Variants in TMEM216 observed in about 807,000 individuals in gnomAD.
The protein encoded by TMEM216 is transmembrane protein 216.
In TMEM216, 15 loss-of-function variants were observed where a neutral mutation model predicts 17.8. The ratio of observed to expected loss-of-function variants is 0.84; its 90% CI spans 0.56 to 1.30. TMEM216 has a LOEUF of 1.30. Ranked by LOEUF, TMEM216 falls within the 50% of genes most tolerant of loss-of-function variation. The pLI, the probability that TMEM216 is intolerant of heterozygous loss-of-function variation, is 0.00. For synonymous variants in TMEM216, 58 were observed against 73.5 expected (o/e 0.79, Z 1.08); for missense variants, 160 against 175.7 (o/e 0.91, Z 0.51).
intron 3 of TMEM216, among the ~76,000 whole-genome samples, chr11:61,396,276 C>T (rs1036232296): frequency 1.0e-4 from 15 of 150,672 alleles, no homozygotes; most frequent in East Asian, 6.0e-4. Context: ...TTCAGGAGAT[C>T]GAGACCATCC....
In TMEM216 at chr11:61,397,856, C is replaced by T. The variant is rs748312089; in HGVS notation, c.312C>T (p.Ser104=). The change falls in exon 4 of 5, where the codon TCC becomes TCT. Residue 104 remains serine (S), a synonymous_variant. Coordinates refer to ENST00000515837, the MANE Select transcript of TMEM216 (RefSeq NM_001173990.3). ...CCTTCCCATCTGCCATGATGGCCTC[C>T]TATTACCTGCTGCTGCAGACCTACG... ...ALTFPSAMMA[S]YYLLLQTYVL... 14 of 1,614,044 alleles carry T rather than the reference C, an allele frequency of 8.7e-6. No homozygotes were observed. Among genetic ancestry groups the T allele is most frequent in the Non-Finnish European group, 1.2e-5 (14 of 1,179,904 alleles).
intron 3 of TMEM216, 96 bp downstream of exon 3, chr11:61,394,072 C>A: frequency 8.9e-7 from 1 of 1,118,710 alleles, no homozygotes; most frequent in Non-Finnish European, 1.4e-6. Context: ...GGTTGACTAT[C>A]ATAGACTGGA....
At chr11:61,396,353 C>A (rs1365324178) in intron 3 of TMEM216, among the ~76,000 whole-genome samples, 1 of 152,200 alleles carries the variant, frequency 6.6e-6, no homozygotes, top group Non-Finnish European at 1.5e-5. Context: ...GTGGCACGTG[C>A]CTGTAATCCC....
At position 61,398,641 on chromosome 11, in the gene TMEM216, A is replaced by C. The variant is rs1314111561; in HGVS notation, c.*365A>C. On this transcript the variant is annotated 3_prime_UTR_variant, in exon 5 of 5. Coordinates refer to ENST00000515837, the MANE Select transcript of TMEM216 (RefSeq NM_001173990.3). ...TTGGGCTTCAAGCAGGACCTGAGCC[A>C]CATGCTCCCTGTACGAGCTGTGCTA... 2 of 286,210 alleles carry C rather than the reference A, an allele frequency of 7.0e-6. No individual in the cohort carries two copies. The highest frequency in any genetic ancestry group is 4.2e-5 in the African/African-American group (2 of 47,068). The allele number at this position is 286,210 out of a possible 1,614,324, so 17.7% of individuals were successfully genotyped here.
intron 3 of TMEM216, among the ~76,000 whole-genome samples, chr11:61,396,130 T>C (rs867799455): frequency 1.3e-5 from 2 of 152,206 alleles, no homozygotes; most frequent in African/African-American, 4.8e-5. Flanking sequence ...CATCTGTCCA[T>C]ACGGGATTGT....
intron 2 of TMEM216, 70 bp from the exon 3 acceptor site, chr11:61,393,814 C>T: frequency 8.1e-7 from 1 of 1,231,790 alleles, no homozygotes; most frequent in Non-Finnish European, 1.2e-6. Context: ...CCTCTTTTTT[C>T]CCAAGTGTGT....
chr11:61,398,588 A>G lies in TMEM216; in HGVS notation c.*312A>G, dbSNP rs1858855193. 2.4e-5 allele frequency: 10 copies of G among 413,446 alleles called. No homozygotes were observed. The South Asian group carries it at 4.0e-4, about 16-fold the overall frequency. 25.6% of individuals were successfully genotyped at this position (413,446 alleles called of 1,614,324 possible). On this transcript the variant is annotated 3_prime_UTR_variant, in exon 5 of 5. Coordinates refer to ENST00000515837, the MANE Select transcript of TMEM216 (RefSeq NM_001173990.3). ...TCTCCTCCTTGATCACCGTGGCCAG[A>G]GCATCTCGTGTGGACCATCTAGGCT...
At chr11:61,395,277 T>C (rs1464909252) in intron 3 of TMEM216, among the ~76,000 whole-genome samples, 1 of 152,152 alleles carries the variant, frequency 6.6e-6, no homozygotes, top group Non-Finnish European at 1.5e-5. Flanking sequence ...ATGCCTGGCC[T>C]GTAGGACAAG....
chr11:61,395,516 G>A (rs935554339), intron 3 of TMEM216, among the ~76,000 whole-genome samples: 1 of 152,018 alleles, frequency 6.6e-6, no homozygotes, highest in African/African-American at 2.4e-5. Flanking sequence ...GAGGTGGGTG[G>A]ATCATTTGAG....
chr11:61,394,118 A>G (rs1858744342), intron 3 of TMEM216, 142 bp downstream of exon 3: 1 of 735,506 alleles, frequency 1.4e-6, no homozygotes, highest in Non-Finnish European at 2.3e-6. Flanking sequence ...TGAAGTTTCA[A>G]GTTGCTGCTT....
At chr11:61,393,115 A>C in intron 1 of TMEM216, 116 bp from the exon 2 acceptor site, 1 of 660,722 alleles carries the variant, frequency 1.5e-6, no homozygotes, top group Non-Finnish European at 2.3e-6. Context: ...AGTGCCCCTG[A>C]GTGGCCGGTC....
Position 61,397,914 on chromosome 11 carries a change from T to G in TMEM216, c.370T>G (p.Leu124Val). 1 of 1,614,060 alleles carries G rather than the reference T, an allele frequency of 6.2e-7. No homozygotes were observed. Among genetic ancestry groups the G allele is most frequent in the Non-Finnish European group, 8.5e-7 (1 of 1,179,902 alleles). ...LRLEAIMNGI[L>V]LFFCGSELLL... ...CCTGGAAGCCATCATGAATGGCATC[T>G]TGCTCTTCTTCTGTGGCTCAGAGCT... is the stretch of plus-strand genomic sequence containing the variant. The change falls in exon 4 of 5, where the codon TTG (leucine) becomes GTG (valine). Residue 124 changes from leucine to valine, a missense_variant. Coordinates refer to ENST00000515837, the MANE Select transcript of TMEM216 (RefSeq NM_001173990.3).
rs568253718 is a variant in TMEM216, at chr11:61,393,309, A to G, written c.113A>G (p.Glu38Gly). 89 of 1,535,690 alleles carry G rather than the reference A, an allele frequency of 5.8e-5. No individual in the cohort carries two copies. The African/African-American group carries it at 1.1e-3, about 19-fold the overall frequency. ...GWYNATYFLL[E>G]LFIFLYKGVL... ...TATAATGCTACCTATTTCCTGCTGGAACTTTTCATATTTCTGTATAAAGGT... is the reference window on the plus strand; with the variant it reads ...TATAATGCTACCTATTTCCTGCTGGGACTTTTCATATTTCTGTATAAAGGT... The change falls in exon 2 of 5, where the codon GAA becomes GGA. Residue 38 changes from glutamate (E) to glycine (G), a missense_variant. Transcript: ENST00000515837.
rs750304345 is a variant in TMEM216 at position 61,393,890 on chromosome 11, T to C, written c.143T>C (p.Leu48Pro). 14 of 1,613,536 alleles carry C rather than the reference T, an allele frequency of 8.7e-6. No homozygotes were observed. The East Asian group carries it at 3.1e-4, about 36-fold the overall frequency. Residue 48 changes from leucine to proline, a missense_variant, in exon 3 of 5, where the codon CTG becomes CCG. By Grantham distance (98) the Leu-to-Pro change is moderately conservative (BLOSUM62 -3). Transcript: ENST00000515837. ...CTGGCTTTTGTATTGGCAGGTGTCC[T>C]GCTACCATATCCAACAGCTAACCTA... ...ELFIFLYKGVLLPYPTANLVL... is the reference protein window; with the variant it reads ...ELFIFLYKGVPLPYPTANLVL...
In TMEM216 at chr11:61,397,259, C is replaced by T. The variant is rs186382558; in HGVS notation, c.230-515C>T. 1.1e-3 allele frequency among the ~76,000 whole-genome samples: 162 copies of T among 151,752 alleles called. 2 individuals carry two copies. The East Asian group carries it at 0.027, about 25-fold the overall frequency. ...TCTGCTCACTGCAAGCTCCACCTTC[C>T]GGGTTCACACCATTCTCCTGCCTCA... On this transcript the variant is annotated intron_variant, in intron 3 of 4. Transcript: ENST00000515837.
rs1339787416 is a variant in TMEM216 at position 61,392,618 on chromosome 11, C to T, written c.-14C>T. 3 of 1,535,702 alleles carry T rather than the reference C, an allele frequency of 2.0e-6. No homozygotes were observed. Among genetic ancestry groups the T allele is most frequent in the Non-Finnish European group, 2.6e-6 (3 of 1,146,758 alleles). On this transcript the variant is annotated 5_prime_UTR_variant, in exon 1 of 5. Transcript: ENST00000515837. ...GGCAGCGCCGCGCTGCTCCGGGAGC[C>T]GCTGTGGCAGCGTATGCTGCCACGG...
At position 61,396,619 on chromosome 11, in the gene TMEM216, C is replaced by A. The variant is rs937898860; in HGVS notation, c.230-1155C>A. 2.6e-5 allele frequency among the ~76,000 whole-genome samples: 4 copies of A among 151,732 alleles called. No homozygotes were observed. In the South Asian group the frequency reaches 8.4e-4, roughly 32 times the overall value. ...ACCAGCCTGGCTAACATGGTGAAAT[C>A]CTGTCTCTACTAAAAAATACGAAAA... On this transcript the variant is annotated intron_variant, in intron 3 of 4. Transcript: ENST00000515837.
At chr11:61,396,564 G>A (rs930579286) in intron 3 of TMEM216, among the ~76,000 whole-genome samples, 3 of 152,052 alleles carry the variant, frequency 2.0e-5, no homozygotes, top group Admixed American at 6.6e-5. Context: ...AGGCCGAGGC[G>A]AACGGATTGC....
In TMEM216 at chr11:61,398,497, A is replaced by T; in HGVS notation, c.*221A>T. 1.8e-6 allele frequency: 1 copy of T among 566,584 alleles called. No homozygotes were observed. Among genetic ancestry groups the T allele is most frequent in the Non-Finnish European group, 3.1e-6 (1 of 320,986 alleles). The allele number at this position is 566,584 out of a possible 1,614,324, so 35.1% of individuals were successfully genotyped here. On this transcript the variant is annotated 3_prime_UTR_variant, in exon 5 of 5. Coordinates refer to ENST00000515837, the MANE Select transcript of TMEM216 (RefSeq NM_001173990.3). The stretch of plus-strand genomic sequence containing the variant: ...CCAAGAGACTCTTCTACACTCCAGT[A>T]TAGGGAGGGGCAAGGTTATTCCCAT...
Sources: gnomAD v4.1 joint callset for allele counts (sites outside exome capture counted in the v4.1 genomes callset) on GRCh38, gnomAD v4.1.1 for gene constraint, MANE v1.5 for transcripts, NCBI Gene and HGNC (gene_info 2026-07-23, HGNC 2026-07-21) for gene names.